Variants in EPS15 observed in about 807,000 individuals in gnomAD.
EPS15 encodes epidermal growth factor receptor pathway substrate 15.
EPS15 carries 72 observed loss-of-function variants against 113.8 expected under a neutral mutation model. The observed-to-expected ratio is 0.63, with a 90% CI of 0.52 to 0.77. The LOEUF (loss-of-function observed/expected upper bound fraction) is 0.77, where lower values mean the gene tolerates loss of function less well. Among genes scored for constraint, EPS15 ranks in the 30% least tolerant of loss-of-function variants. The pLI is 0.00. For missense variants in EPS15, 1,048 were observed against 1,045.8 expected, an observed-to-expected ratio of 1.00 and a Z score of -0.03; for synonymous variants, 344 against 363.4, an observed-to-expected ratio of 0.95 and a Z score of 0.61.
At chr1:51,512,056 G>C (rs1475143126) in intron 1 of EPS15, among the ~76,000 whole-genome samples, 1 of 152,112 alleles carries the variant, frequency 6.6e-6, no homozygotes, top group Admixed American at 6.6e-5. Context: ...ACAAAAATGA[G>C]TTTCTTCTAC....
In EPS15 at chr1:51,406,069, G is replaced by A. The variant is rs1217496513; in HGVS notation, c.1513C>T (p.His505Tyr). ...CTGCACCAATTTAACTGACTATTAT[G>A]ATTTTCCAAATCTTTCATTTCCATC... ...KLMEMKDLEN[H>Y]NSQLNWCSSP... Residue 505 changes from histidine to tyrosine, a missense_variant, in exon 16 of 25, where the codon CAT (histidine) becomes TAT (tyrosine). Coordinates refer to ENST00000371733, the MANE Select transcript of EPS15 (RefSeq NM_001981.3). 6.2e-7 allele frequency: 1 copy of A among 1,613,976 alleles called. No homozygotes were observed. Among genetic ancestry groups the A allele is most frequent in the Non-Finnish European group, 8.5e-7 (1 of 1,179,960 alleles).
Position 51,355,493 on chromosome 1 carries a change from T to C in EPS15, c.*1207A>G. 5.2e-6 allele frequency: 1 copy of C among 193,982 alleles called. No individual in the cohort carries two copies. Among genetic ancestry groups the C allele is most frequent in the Non-Finnish European group, 1.1e-5 (1 of 93,114 alleles). 12.0% of individuals were successfully genotyped at this position (193,982 alleles called of 1,614,324 possible). Reference sequence around the variant, plus strand: ...AGGTCAGTTTTACAGGAGATGGTCTTTTAACATGAAGAGGTCTGATAATCT... The same window carrying C: ...AGGTCAGTTTTACAGGAGATGGTCTCTTAACATGAAGAGGTCTGATAATCT... On this transcript the variant is annotated 3_prime_UTR_variant, in exon 25 of 25. Transcript: ENST00000371733.
intron 12 of EPS15, among the ~76,000 whole-genome samples, chr1:51,427,282 A>T (rs1161119296): frequency 6.6e-6 from 1 of 152,218 alleles, no homozygotes; most frequent in Non-Finnish European, 1.5e-5. Context: ...GAAAATACAC[A>T]ATAAAACCTA....
Position 51,472,926 on chromosome 1 carries a change from C to T in EPS15, c.98G>A (p.Arg33Lys). Residue 33 changes from arginine (R) to lysine (K), a missense_variant, in exon 3 of 25, where the codon AGG becomes AAG. Arg to Lys is a conservative substitution (Grantham distance 26). Transcript: ENST00000371733. The stretch of plus-strand genomic sequence containing the variant: ...AGCAGCAGCATCAGAAGCCAACACC[C>T]TTCCAGTATTGCCTGTATCAACCTG... ...YRQVDTGNTGRVLASDAAAFL... is the reference protein window; with the variant it reads ...YRQVDTGNTGKVLASDAAAFL... 2 of 1,613,682 alleles carry T rather than the reference C, an allele frequency of 1.2e-6. No homozygotes were observed. The highest frequency in any genetic ancestry group is 1.7e-6 in the Non-Finnish European group (2 of 1,179,644).
chr1:51,489,846 A>G (rs1347973070), intron 1 of EPS15, among the ~76,000 whole-genome samples: 1 of 152,216 alleles, frequency 6.6e-6, no homozygotes, highest in Admixed American at 6.5e-5. Flanking sequence ...CCAAGAGAAC[A>G]ATATGTCACA....
chr1:51,423,491 G>A (rs879190865), intron 12 of EPS15: 1 of 985,398 alleles, frequency 1.0e-6, no homozygotes. Flanking sequence ...GCTGCAGCAT[G>A]TTAGAGATAA....
intron 1 of EPS15, among the ~76,000 whole-genome samples, chr1:51,483,398 A>AGTGT (rs58892404): frequency 0.091 from 12,891 of 141,546 alleles, 616 homozygotes; most frequent in Admixed American, 0.16. Context: ...CAAGACTGCA[A>AGTGT]GTGTGTGTGT....
Position 51,406,011 on chromosome 1 carries a change from G to A in EPS15, c.1571C>T (p.Thr524Ile), listed in dbSNP as rs769489540. 9.9e-6 allele frequency: 16 copies of A among 1,614,058 alleles called. No individual in the cohort carries two copies. Among genetic ancestry groups the A allele is most frequent in the Non-Finnish European group, 1.4e-5 (16 of 1,180,026 alleles). Residue 524 changes from threonine (T) to isoleucine (I), a missense_variant, in exon 16 of 25, where the codon ACA becomes ATA. Physicochemically the swap from Thr to Ile is moderately conservative, Grantham distance 89 (BLOSUM62 -1). Coordinates refer to ENST00000371733, the MANE Select transcript of EPS15 (RefSeq NM_001981.3). ...GCTGGTGCTGAGGCTGCAATAATCT[G>A]TAGCTCCGTTTACAAGAATGCTGTG... is the stretch of plus-strand genomic sequence containing the variant. ...SPHSILVNGA[T>I]DYCSLSTSSS...
intron 21 of EPS15, among the ~76,000 whole-genome samples, chr1:51,392,363 T>C (rs1200751666): frequency 6.6e-6 from 1 of 152,238 alleles, no homozygotes; most frequent in Non-Finnish European, 1.5e-5. Context: ...GCTGGAACTC[T>C]GCAAGTGTTC....
At chr1:51,507,903 C>G (rs1417981047) in intron 1 of EPS15, among the ~76,000 whole-genome samples, 1 of 151,554 alleles carries the variant, frequency 6.6e-6, no homozygotes, top group Admixed American at 6.6e-5. Context: ...TTAGGCCCAA[C>G]GCGGTGGCTC....
intron 21 of EPS15, among the ~76,000 whole-genome samples, chr1:51,379,830 G>C (rs1458133628): frequency 2.6e-5 from 4 of 152,042 alleles, no homozygotes; most frequent in Non-Finnish European, 1.5e-5. Context: ...GGGAGGCCAA[G>C]GTGGACGGAT....
At chr1:51,420,431 C>T (rs1385164000) in intron 13 of EPS15, among the ~76,000 whole-genome samples, 1 of 152,148 alleles carries the variant, frequency 6.6e-6, no homozygotes, top group Admixed American at 6.6e-5. Flanking sequence ...AAAGCAGTAA[C>T]TGGCTAAATT....
rs1194454573 is a variant in EPS15 at position 51,355,726 on chromosome 1, AC to A, written c.*973del. On this transcript the variant is annotated 3_prime_UTR_variant, in exon 25 of 25. Coordinates refer to ENST00000371733, the MANE Select transcript of EPS15 (RefSeq NM_001981.3). ...ATGAGCCTTCATTAAAAAAAAAAAAACAAATATATATGAAAAATTAAAGTAC... is the reference window on the plus strand; with the variant it reads ...ATGAGCCTTCATTAAAAAAAAAAAAAAAATATATATGAAAAATTAAAGTAC... The A allele has an allele frequency of 1.4e-4, 27 of 188,132 alleles. No individual in the cohort carries two copies. Among genetic ancestry groups the A allele is most frequent in the Non-Finnish European group, 2.6e-4 (23 of 89,814 alleles). The allele number at this position is 188,132 out of a possible 1,614,324, so 11.7% of individuals were successfully genotyped here. A position where few individuals can be genotyped will look rare whatever the true frequency, so the allele number is the denominator to read the frequency against.
intron 12 of EPS15, chr1:51,423,381 A>G (rs1650945109): frequency 1.8e-6 from 2 of 1,088,672 alleles, no homozygotes; most frequent in Non-Finnish European, 2.3e-6. Flanking sequence ...AAATACAAAA[A>G]CACGGGGAAA....
At chr1:51,500,153 C>T (rs372383797) in intron 1 of EPS15, among the ~76,000 whole-genome samples, 9 of 152,150 alleles carry the variant, frequency 5.9e-5, no homozygotes, top group East Asian at 1.9e-4. Flanking sequence ...AAAAATACTC[C>T]GTTGCATGTA....
rs72910249 is a variant in EPS15, at chr1:51,409,363, A to G, written c.1275+172T>C. 4.0e-3 allele frequency among the ~76,000 whole-genome samples: 613 copies of G among 152,354 alleles called. 2 individuals are homozygous for G. Among genetic ancestry groups the G allele is most frequent in the African/African-American group, 0.014 (583 of 41,580 alleles). ...TTAACTGCCCTTCTATTTCCTCTAA[A>G]GAAGGCCTGTAATTTCTGGATGAAC... On this transcript the variant is annotated intron_variant, in intron 14 of 24. Coordinates refer to ENST00000371733, the MANE Select transcript of EPS15 (RefSeq NM_001981.3).
intron 12 of EPS15, among the ~76,000 whole-genome samples, chr1:51,433,148 T>C (rs900783419): frequency 2.0e-5 from 3 of 152,226 alleles, no homozygotes; most frequent in Non-Finnish European, 4.4e-5. Context: ...TCTATATATT[T>C]AGGAACACAG....
Position 51,472,909 on chromosome 1 carries a change from C to T in EPS15, c.115G>A (p.Ala39Thr), listed in dbSNP as rs746493334. The T allele has an allele frequency of 1.2e-5, 20 of 1,613,820 alleles. No homozygotes were observed. In the South Asian group the frequency reaches 2.2e-4, roughly 18 times the overall value. The change falls in exon 3 of 25, where the codon GCT becomes ACT. Residue 39 changes from alanine to threonine, a missense_variant. Transcript: ENST00000371733. Reference protein sequence around the residue: ...GNTGRVLASDAAAFLKKSGLP... With the variant: ...GNTGRVLASDTAAFLKKSGLP... ...CCTGATTTTTTCAGGAAAGCAGCAG[C>T]ATCAGAAGCCAACACCCTTCCAGTA...
chr1:51,440,961 G>GC (rs1230525688), intron 11 of EPS15, among the ~76,000 whole-genome samples: 3 of 151,994 alleles, frequency 2.0e-5, no homozygotes, highest in South Asian at 2.1e-4. Context: ...AACTGCTCAA[G>GC]CATGTTCCAT....
Sources: gnomAD v4.1 joint callset for allele counts (sites outside exome capture counted in the v4.1 genomes callset) on GRCh38, gnomAD v4.1.1 for gene constraint, MANE v1.5 for transcripts, NCBI Gene and HGNC (gene_info 2026-07-23, HGNC 2026-07-21) for gene names.